Variants in DCLK2 observed in about 807,000 individuals in gnomAD.
The protein encoded by DCLK2 is doublecortin like kinase 2.
In DCLK2, 31 loss-of-function variants were observed where a neutral mutation model predicts 78.4. The observed-to-expected ratio is 0.40, with a 90% CI of 0.30 to 0.53. The LOEUF (loss-of-function observed/expected upper bound fraction) is 0.53, where lower values mean the gene tolerates loss of function less well. DCLK2 is among the 20% of genes least tolerant of loss of function. The pLI, the probability that DCLK2 is intolerant of heterozygous loss-of-function variation, is 0.61. For missense variants in DCLK2, 872 were observed against 973.7 expected, an observed-to-expected ratio of 0.90 and a Z score of 1.39; for synonymous variants, 407 against 374.9, an observed-to-expected ratio of 1.09 and a Z score of -0.99.
intron 5 of DCLK2, among the ~76,000 whole-genome samples, chr4:150,204,205 C>T (rs888691044): frequency 4.6e-5 from 7 of 152,044 alleles, no homozygotes; most frequent in South Asian, 2.1e-4. Context: ...TGATTCGCAG[C>T]GGTGAAGCCT....
chr4:150,219,324 A>G (rs1580739477), intron 5 of DCLK2, among the ~76,000 whole-genome samples: 1 of 137,084 alleles, frequency 7.3e-6, no homozygotes, highest in Non-Finnish European at 1.5e-5. Context: ...GCTGGAGCAC[A>G]GTGGTACGAT....
chr4:150,146,791 A>G (rs1477544694), intron 2 of DCLK2, among the ~76,000 whole-genome samples: 1 of 152,164 alleles, frequency 6.6e-6, no homozygotes, highest in Non-Finnish European at 1.5e-5. Flanking sequence ...AAAATGTGGC[A>G]TGATTTGATG....
chr4:150,097,223 T>A (rs1339590226), intron 1 of DCLK2, among the ~76,000 whole-genome samples: 1 of 150,630 alleles, frequency 6.6e-6, no homozygotes, highest in Non-Finnish European at 1.5e-5. Flanking sequence ...TCACCCAGGC[T>A]GGAGTGCTGT....
At position 150,249,613 on chromosome 4, in the gene DCLK2, A is replaced by C; in HGVS notation, c.2002A>C (p.Lys668Gln). 1 of 1,613,806 alleles carries C rather than the reference A, an allele frequency of 6.2e-7. No individual in the cohort carries two copies. The highest frequency in any genetic ancestry group is 8.5e-7 in the Non-Finnish European group (1 of 1,179,982). The change falls in exon 15 of 16, where the codon AAA (lysine) becomes CAA (glutamine). Residue 668 changes from lysine to glutamine, a missense_variant. Transcript: ENST00000296550. The part of the protein sequence containing the change: ...ENNMQAEVTG[K>Q]LKQHFNNALP... Reference sequence around the variant, plus strand: ...TAACATGCAAGCTGAGGTGACAGGTAAACTAAAACAGCACTTTAATAATGC... The same window carrying C: ...TAACATGCAAGCTGAGGTGACAGGTCAACTAAAACAGCACTTTAATAATGC...
At chr4:150,158,913 C>T (rs193134097) in intron 2 of DCLK2, among the ~76,000 whole-genome samples, 2 of 152,130 alleles carry the variant, frequency 1.3e-5, no homozygotes, top group Admixed American at 6.5e-5. Flanking sequence ...CAAGGTTCCT[C>T]AGGCATGGAG....
At chr4:150,197,952 T>C in intron 3 of DCLK2, 50 bp from the exon 4 acceptor site, 1 of 1,467,178 alleles carries the variant, frequency 6.8e-7, no homozygotes, top group South Asian at 1.2e-5. Flanking sequence ...ACTCTGCTTT[T>C]GGTCGTTATT....
chr4:150,096,792 A>C (rs1730498621), intron 1 of DCLK2, among the ~76,000 whole-genome samples: 1 of 152,212 alleles, frequency 6.6e-6, no homozygotes. Flanking sequence ...CCCAGGGAGC[A>C]CAAGTGATGC....
intron 5 of DCLK2, among the ~76,000 whole-genome samples, chr4:150,219,285 T>TTA (rs1397962950): frequency 6.9e-6 from 1 of 144,260 alleles, no homozygotes; most frequent in Non-Finnish European, 1.5e-5. Flanking sequence ...TTTTTTTTTT[T>TTA]AAGAAGGAGT....
intron 11 of DCLK2, 23 bp from the exon 12 acceptor site, chr4:150,240,376 C>G: frequency 6.2e-7 from 1 of 1,612,450 alleles, no homozygotes; most frequent in Non-Finnish European, 8.5e-7. Flanking sequence ...GTTCTCTCCC[C>G]CTCACCCACT....
intron 1 of DCLK2, among the ~76,000 whole-genome samples, chr4:150,099,311 G>A (rs546813956): frequency 2.1e-4 from 32 of 152,190 alleles, no homozygotes; most frequent in African/African-American, 7.2e-4. Context: ...CTCCCTCTTC[G>A]GCCTCCCAAA....
intron 2 of DCLK2, among the ~76,000 whole-genome samples, chr4:150,119,162 G>A (rs1292000519): frequency 2.6e-5 from 4 of 151,884 alleles, no homozygotes; most frequent in African/African-American, 7.3e-5. Context: ...CTTTCTTACC[G>A]TACTCTTCCA....
intron 5 of DCLK2, among the ~76,000 whole-genome samples, chr4:150,214,619 C>A (rs1178502074): frequency 1.3e-5 from 2 of 152,080 alleles, no homozygotes; most frequent in South Asian, 4.1e-4. Context: ...CCACAGAGAA[C>A]CTGTGACCCA....
chr4:150,181,280 G>A (rs112205650), intron 2 of DCLK2, among the ~76,000 whole-genome samples: 3 of 152,286 alleles, frequency 2.0e-5, no homozygotes, highest in Non-Finnish European at 2.9e-5. Context: ...TGCCCCTACA[G>A]TTCCAGCCTT....
chr4:150,181,114 T>TA lies in DCLK2; in HGVS notation c.757-12023dup, dbSNP rs574204887. On this transcript the variant is annotated intron_variant, in intron 2 of 15. Coordinates refer to ENST00000296550, the MANE Select transcript of DCLK2 (RefSeq NM_001040260.4). ...GATTGGACCTAAGCATACAAGTGGA[T>TA]AGCTGTATCTTTGGGTCTTCATTGT... is the stretch of plus-strand genomic sequence containing the variant. Among the ~76,000 whole-genome samples, 167 of 152,346 alleles carry TA rather than the reference T, an allele frequency of 1.1e-3. 2 individuals carry two copies. Among genetic ancestry groups the TA allele is most frequent in the African/African-American group, 3.7e-3 (152 of 41,578 alleles).
chr4:150,128,387 A>C (rs1385431016), intron 2 of DCLK2, among the ~76,000 whole-genome samples: 3 of 152,174 alleles, frequency 2.0e-5, no homozygotes, highest in Admixed American at 6.5e-5. Context: ...GGGTGTTTGA[A>C]ATCAAATAGG....
chr4:150,193,046 T>C, intron 2 of DCLK2, 92 bp from the exon 3 acceptor site: 1 of 793,460 alleles, frequency 1.3e-6, no homozygotes. Flanking sequence ...CTTCAATACT[T>C]AAAATTCAGG....
intron 8 of DCLK2, among the ~76,000 whole-genome samples, chr4:150,224,914 C>G (rs1268197108): frequency 6.6e-6 from 1 of 152,158 alleles, no homozygotes; most frequent in African/African-American, 2.4e-5. Flanking sequence ...GCCAGCAGAA[C>G]ACAAGATTTC....
intron 15 of DCLK2, among the ~76,000 whole-genome samples, chr4:150,254,945 T>C: frequency 6.6e-6 from 1 of 152,178 alleles, no homozygotes; most frequent in East Asian, 1.9e-4. Flanking sequence ...CCGGAAGTGC[T>C]GGGATTACAG....
At chr4:150,159,992 C>T (rs1386127976) in intron 2 of DCLK2, among the ~76,000 whole-genome samples, 1 of 146,856 alleles carries the variant, frequency 6.8e-6, no homozygotes, top group Non-Finnish European at 1.5e-5. Flanking sequence ...TCTTTGATGA[C>T]TTTTTTTTTT....
Sources: allele counts gnomAD v4.1 joint callset (sites outside exome capture counted in the v4.1 genomes callset), GRCh38; gene constraint gnomAD v4.1.1; transcripts MANE v1.5; gene names NCBI Gene and HGNC (gene_info 2026-07-23, HGNC 2026-07-21).